The following CHRNA7 variants were observed in gnomAD, a reference collection of about 807,000 sequenced individuals.
The protein encoded by CHRNA7 is cholinergic receptor nicotinic alpha 7 subunit, also known as neuronal acetylcholine receptor subunit alpha-7.
In CHRNA7, 17 loss-of-function variants were observed where a neutral mutation model predicts 48.0. That is an observed-to-expected ratio of 0.35 (90% CI 0.24 to 0.53). The LOEUF (loss-of-function observed/expected upper bound fraction) is 0.53, where lower values mean the gene tolerates loss of function less well. Ranked by LOEUF, CHRNA7 falls within the 20% of genes least tolerant of loss-of-function variation. The pLI is 0.92. For synonymous variants in CHRNA7, 75 were observed against 242.3 expected, an observed-to-expected ratio of 0.31 and a Z score of 6.41; for missense variants, 155 against 577.7, an observed-to-expected ratio of 0.27 and a Z score of 7.50.
At chr15:32,112,135 G>A in intron 4 of CHRNA7, 4 of 620,724 alleles carry the variant, frequency 6.4e-6, no homozygotes, top group Admixed American at 2.2e-5. Flanking sequence ...TACTTAAGAC[G>A]CCCATGAAGT....
At position 32,149,147 on chromosome 15, in the gene CHRNA7, A is replaced by ACTGTGGATGTACTGTGTCTTC. The variant is rs1211800405; in HGVS notation, c.351-4758_351-4738dup. Among the ~76,000 whole-genome samples, 2 of 152,182 alleles carry ACTGTGGATGTACTGTGTCTTC rather than the reference A, an allele frequency of 1.3e-5. No individual in the cohort carries two copies. The highest frequency in any genetic ancestry group is 2.9e-5 in the Non-Finnish European group (2 of 68,020). ...AGGCCACAGGCCGGCATCTTCACAA[A>ACTGTGGATGTACTGTGTCTTC]CTGTGGATGTACTGTGTCTTCCAGT... On this transcript the variant is annotated intron_variant, in intron 4 of 9. Transcript: ENST00000306901. This position sits in a 1 kb window ranked among gnomAD's most constrained non-coding sequence, Gnocchi z 4.6.
chr15:32,063,009 T>C (rs914158457), intron 2 of CHRNA7, among the ~76,000 whole-genome samples: 3 of 152,158 alleles, frequency 2.0e-5, no homozygotes, highest in African/African-American at 7.2e-5. Flanking sequence ...TGTAATGCAA[T>C]TGTAAGTATT....
chr15:32,137,276 C>CA (rs1757605840), intron 4 of CHRNA7, among the ~76,000 whole-genome samples: 1 of 149,956 alleles, frequency 6.7e-6, no homozygotes, highest in African/African-American at 2.5e-5. Flanking sequence ...AGGATGAACG[C>CA]AAAAAAGGAA....
At chr15:32,106,504 G>C (rs2050671858) in intron 3 of CHRNA7, among the ~76,000 whole-genome samples, 1 of 152,138 alleles carries the variant, frequency 6.6e-6, no homozygotes, top group Non-Finnish European at 1.5e-5. Flanking sequence ...TCATCTCTCT[G>C]TTCACCTCTT....
chr15:32,111,310 C>T (rs1366273420), intron 3 of CHRNA7: 1 of 152,616 alleles, frequency 6.6e-6, no homozygotes, highest in Non-Finnish European at 1.5e-5. Context: ...AATCTGAAAA[C>T]ATTCCTTTAG....
At chr15:32,077,919 A>T (rs955931823) in intron 2 of CHRNA7, among the ~76,000 whole-genome samples, 1 of 152,220 alleles carries the variant, frequency 6.6e-6, no homozygotes, top group Non-Finnish European at 1.5e-5. Flanking sequence ...CCAGGAGGAT[A>T]GTACCAAGCC....
At position 32,101,283 on chromosome 15, in the gene CHRNA7, CTTTTTTT is replaced by C; in HGVS notation, c.196-11_196-5del. 1.4e-6 allele frequency: 2 copies of C among 1,451,586 alleles called. No homozygotes were observed. The highest frequency in any genetic ancestry group is 1.9e-6 in the Non-Finnish European group (2 of 1,079,524). 89.9% of individuals were successfully genotyped at this position (1,451,586 alleles called of 1,614,324 possible). ...GTAAACCATATTATTTATGCTGCTG[CTTTTTTT>C]TTTTTTTTGAAGGATGAGAAGAACC... On this transcript the variant is annotated splice_polypyrimidine_tract_variant and intron_variant, in intron 2 of 9. Coordinates refer to ENST00000306901, the MANE Select transcript of CHRNA7 (RefSeq NM_000746.6).
intron 2 of CHRNA7, among the ~76,000 whole-genome samples, chr15:32,039,159 T>C (rs2049403701): frequency 6.6e-6 from 1 of 152,170 alleles, no homozygotes; most frequent in Non-Finnish European, 1.5e-5. Context: ...TTTTTTCTTA[T>C]TTAGCCTGGC....
At chr15:32,112,316 A>C (rs576532513) in intron 4 of CHRNA7, 8 of 458,814 alleles carry the variant, frequency 1.7e-5, no homozygotes, top group South Asian at 1.2e-4. Context: ...ATCCTCGTCT[A>C]TGTTCCCTGT....
chr15:32,038,159 ATATT>A (rs1197308908), intron 2 of CHRNA7, among the ~76,000 whole-genome samples: 30 of 147,276 alleles, frequency 2.0e-4, no homozygotes, highest in African/African-American at 5.8e-4. Context: ...TACATTTTGT[ATATT>A]TATTTACATT....
At chr15:32,141,856 TC>T (rs2051385472) in intron 4 of CHRNA7, among the ~76,000 whole-genome samples, 3 of 109,442 alleles carry the variant, frequency 2.7e-5, no homozygotes, top group African/African-American at 1.1e-4. Flanking sequence ...TACAATCATG[TC>T]GTCTGCAAAC....
chr15:32,074,980 T>C (rs2050115457), intron 2 of CHRNA7, among the ~76,000 whole-genome samples: 2 of 152,214 alleles, frequency 1.3e-5, no homozygotes, highest in East Asian at 3.9e-4. Flanking sequence ...AATTTTTTTG[T>C]GTAGTTTTTC....
At chr15:32,074,403 A>G (rs2050104199) in intron 2 of CHRNA7, among the ~76,000 whole-genome samples, 2 of 148,010 alleles carry the variant, frequency 1.4e-5, no homozygotes, top group Admixed American at 1.3e-4. Flanking sequence ...TAAGTTCAAG[A>G]AAATAGAATA....
chr15:32,052,034 G>A (rs922431821), intron 2 of CHRNA7, among the ~76,000 whole-genome samples: 3 of 152,080 alleles, frequency 2.0e-5, no homozygotes, highest in African/African-American at 7.2e-5. Flanking sequence ...GTTTGTCAAG[G>A]TTTGCTTAAA....
chr15:32,092,308 C>A (rs1285960974), intron 2 of CHRNA7, among the ~76,000 whole-genome samples: 1 of 152,116 alleles, frequency 6.6e-6, no homozygotes, highest in African/African-American at 2.4e-5. Context: ...TTTATTAGCT[C>A]ATCTTTGAAA....
intron 2 of CHRNA7, among the ~76,000 whole-genome samples, chr15:32,067,095 A>AGG (rs1450006114): frequency 6.6e-6 from 1 of 152,192 alleles, no homozygotes; most frequent in Non-Finnish European, 1.5e-5. Flanking sequence ...GAGGAAAGAA[A>AGG]GGGGCAGAAA....
intron 3 of CHRNA7, among the ~76,000 whole-genome samples, chr15:32,108,717 A>G (rs2050713278): frequency 6.6e-6 from 1 of 152,158 alleles, no homozygotes; most frequent in Non-Finnish European, 1.5e-5. Flanking sequence ...TACAGCTCCC[A>G]AGTCCAGCAG....
At chr15:32,037,278 T>G (rs2141164796) in intron 2 of CHRNA7, among the ~76,000 whole-genome samples, 1 of 152,330 alleles carries the variant, frequency 6.6e-6, no homozygotes, top group East Asian at 1.9e-4. Context: ...CTGTTGTGTT[T>G]TGTCGATCTC....
rs2141295080 is a variant in CHRNA7 at position 32,119,764 on chromosome 15, G to T, written c.350+7865G>T. ...CCTCCCAGCCTGTGGCAGTGGGCAGGTTTTGCTTTTGTTGTTTCTTCTGAC... is the reference window on the plus strand; with the variant it reads ...CCTCCCAGCCTGTGGCAGTGGGCAGTTTTTGCTTTTGTTGTTTCTTCTGAC... On this transcript the variant is annotated intron_variant, in intron 4 of 9. Transcript: ENST00000306901. Among the ~76,000 whole-genome samples, 4 of 152,236 alleles carry T rather than the reference G, an allele frequency of 2.6e-5. 1 individual carries two copies. In the Middle Eastern group the frequency reaches 0.014, roughly 518 times the overall value.
Sources: allele counts gnomAD v4.1 joint callset (sites outside exome capture counted in the v4.1 genomes callset), GRCh38; gene constraint gnomAD v4.1.1; non-coding constraint Gnocchi (gnomAD v3.1); transcripts MANE v1.5; gene names NCBI Gene and HGNC (gene_info 2026-07-23, HGNC 2026-07-21).